Variants in BABAM2 observed in about 807,000 individuals in gnomAD.
BABAM2 encodes BRISC and BRCA1 A complex member 2, also known as BRISC and BRCA1-A complex member 2.
In BABAM2, 31 loss-of-function variants were observed where a neutral mutation model predicts 54.7. The observed-to-expected ratio is 0.57, with a 90% CI of 0.43 to 0.77. The LOEUF (loss-of-function observed/expected upper bound fraction) is 0.77, where lower values mean the gene tolerates loss of function less well. Ranked by LOEUF, BABAM2 falls within the 30% of genes least tolerant of loss-of-function variation. BABAM2 has a pLI of 0.00. For synonymous variants in BABAM2, 167 were observed against 162.9 expected, an observed-to-expected ratio of 1.03 and a Z score of -0.19; for missense variants, 364 against 455.8, an observed-to-expected ratio of 0.80 and a Z score of 1.83.
At chr2:27,979,185 G>A (rs564770015) in intron 3 of BABAM2, among the ~76,000 whole-genome samples, 52 of 151,896 alleles carry the variant, frequency 3.4e-4, no homozygotes, top group Admixed American at 9.8e-4. Flanking sequence ...GCGCCACCAT[G>A]CCCAGCCAAT....
At chr2:27,993,866 G>C (rs1672946461) in intron 4 of BABAM2, among the ~76,000 whole-genome samples, 1 of 152,052 alleles carries the variant, frequency 6.6e-6, no homozygotes, top group African/African-American at 2.4e-5. Flanking sequence ...CCTACAGAAG[G>C]ACATCTTCTG....
intron 1 of BABAM2, among the ~76,000 whole-genome samples, chr2:27,894,015 A>G (rs905668511): frequency 6.6e-6 from 1 of 151,770 alleles, no homozygotes; most frequent in Non-Finnish European, 1.5e-5. Flanking sequence ...AAAAAAAAGA[A>G]AGATATATCA....
At chr2:28,005,613 A>G (rs1673899403) in intron 4 of BABAM2, among the ~76,000 whole-genome samples, 1 of 152,168 alleles carries the variant, frequency 6.6e-6, no homozygotes, top group Non-Finnish European at 1.5e-5. Flanking sequence ...TTTAACTTTT[A>G]GCTTCATGTC....
intron 7 of BABAM2, among the ~76,000 whole-genome samples, chr2:28,144,519 A>G (rs1417868628): frequency 6.6e-6 from 1 of 152,176 alleles, no homozygotes; most frequent in Admixed American, 6.5e-5. Context: ...ACCCCCAGAT[A>G]ATCTTGCATA....
chr2:28,246,769 A>G (rs1322963363), intron 10 of BABAM2, among the ~76,000 whole-genome samples: 1 of 152,230 alleles, frequency 6.6e-6, no homozygotes, highest in African/African-American at 2.4e-5. Context: ...TGTTTTCCAC[A>G]TGCAACTCAA....
At chr2:28,239,638 T>A (rs1228243655) in intron 8 of BABAM2, among the ~76,000 whole-genome samples, 2 of 152,218 alleles carry the variant, frequency 1.3e-5, no homozygotes, top group African/African-American at 2.4e-5. Context: ...CTGCCTTTTT[T>A]AATAGGAGCT....
chr2:28,122,213 A>G (rs1669135931), intron 6 of BABAM2, among the ~76,000 whole-genome samples: 1 of 151,924 alleles, frequency 6.6e-6, no homozygotes, highest in Admixed American at 6.6e-5. Flanking sequence ...AGGCAACAAA[A>G]CTCATAACTT....
At chr2:28,096,580 C>G (rs1391086546) in intron 6 of BABAM2, among the ~76,000 whole-genome samples, 4 of 152,132 alleles carry the variant, frequency 2.6e-5, no homozygotes, top group African/African-American at 4.8e-5. Context: ...TCTTCATAAC[C>G]ATTTCCATAT....
At chr2:28,031,858 T>C (rs1365489990) in intron 5 of BABAM2, among the ~76,000 whole-genome samples, 1 of 152,158 alleles carries the variant, frequency 6.6e-6, no homozygotes, top group East Asian at 1.9e-4. Flanking sequence ...CTTAGGGACA[T>C]GACATATATG....
In BABAM2 at chr2:28,322,043, T is replaced by C. The variant is rs368853851; in HGVS notation, c.1089-16407T>C. 6.6e-6 allele frequency among the ~76,000 whole-genome samples: 1 copy of C among 152,096 alleles called. No homozygotes were observed. Among genetic ancestry groups the C allele is most frequent in the East Asian group, 1.9e-4 (1 of 5,164 alleles). On this transcript the variant is annotated intron_variant, in intron 11 of 11. Transcript: ENST00000379624. This position sits in a 1 kb window ranked among gnomAD's most constrained non-coding sequence, Gnocchi z 4.1. ...CATGAACTTAAGAATAATAGATCCT[T>C]AGGAAGGAAGGCTGTTCATTCAGTC...
intron 10 of BABAM2, among the ~76,000 whole-genome samples, chr2:28,284,793 G>C (rs1009271875): frequency 6.6e-6 from 1 of 152,154 alleles, no homozygotes; most frequent in Non-Finnish European, 1.5e-5. Flanking sequence ...TGGAAATCAG[G>C]CTAGGAAAAG....
chr2:28,218,002 T>TA (rs1470356785), intron 7 of BABAM2, among the ~76,000 whole-genome samples: 2 of 152,238 alleles, frequency 1.3e-5, no homozygotes, highest in African/African-American at 2.4e-5. Flanking sequence ...TATTTAAACT[T>TA]AAAAGAGAAA....
rs143956740 is a variant in BABAM2, at chr2:28,022,099, C to T, written c.301-3127C>T. Among the ~76,000 whole-genome samples, 7 of 152,216 alleles carry T rather than the reference C, an allele frequency of 4.6e-5. No individual in the cohort carries two copies. The East Asian group carries it at 1.4e-3, about 29-fold the overall frequency. ...GTTGGGCTTGTTCAAGTCTGCGGAG[C>T]TATTGATATGGGAGCACATAGGTAC... On this transcript the variant is annotated intron_variant, in intron 4 of 11. Transcript: ENST00000379624.
In BABAM2 at chr2:28,137,418, G is replaced by A. The variant is rs545849735; in HGVS notation, c.680+8038G>A. Among the ~76,000 whole-genome samples the A allele has an allele frequency of 6.6e-5, 10 of 152,220 alleles. No individual in the cohort carries two copies. In the South Asian group the frequency reaches 1.4e-3, roughly 22 times the overall value. ...TATCCTCTAGGGACTTGAGATGTTC[G>A]TTTTACTAGTCTGGGAGCAGGGCCA... On this transcript the variant is annotated intron_variant, in intron 7 of 11. Transcript: ENST00000379624.
At chr2:28,306,151 A>G (rs1428660122) in intron 11 of BABAM2, among the ~76,000 whole-genome samples, 1 of 152,216 alleles carries the variant, frequency 6.6e-6, no homozygotes, top group African/African-American at 2.4e-5. Context: ...CATGTGATCT[A>G]TCTTGATAAA....
chr2:28,337,954 T>C (rs1691613580), intron 11 of BABAM2, among the ~76,000 whole-genome samples: 1 of 152,178 alleles, frequency 6.6e-6, no homozygotes, highest in Non-Finnish European at 1.5e-5. Flanking sequence ...ACCACTGAAC[T>C]CCAGCCTGGC....
At chr2:27,942,646 G>A (rs1369949595) in intron 3 of BABAM2, among the ~76,000 whole-genome samples, 1 of 151,926 alleles carries the variant, frequency 6.6e-6, no homozygotes, top group Non-Finnish European at 1.5e-5. Context: ...GGGATTACAG[G>A]CATGAGCCAT....
chr2:28,188,611 T>C lies in BABAM2; in HGVS notation c.681-48591T>C, dbSNP rs1292034986. Among the ~76,000 whole-genome samples the C allele has an allele frequency of 2.0e-5, 3 of 152,048 alleles. No homozygotes were observed. In the East Asian group the frequency reaches 5.8e-4, roughly 29 times the overall value. ...ACATGCCAGAGATTGAAACGGAAAA[T>C]GGACATGAGCCATTTTGGAGTTAGG... On this transcript the variant is annotated intron_variant, in intron 7 of 11. Coordinates refer to ENST00000379624, the MANE Select transcript of BABAM2 (RefSeq NM_199191.3).
intron 11 of BABAM2, among the ~76,000 whole-genome samples, chr2:28,300,008 G>A (rs1321657520): frequency 6.6e-6 from 1 of 151,964 alleles, no homozygotes; most frequent in Non-Finnish European, 1.5e-5. Flanking sequence ...GTGCAATCTC[G>A]GCTCACTGCA....
Sources: allele counts gnomAD v4.1 joint callset (sites outside exome capture counted in the v4.1 genomes callset), GRCh38; gene constraint gnomAD v4.1.1; non-coding constraint Gnocchi (gnomAD v3.1); transcripts MANE v1.5; gene names NCBI Gene and HGNC (gene_info 2026-07-23, HGNC 2026-07-21).